CD207: variants seen among roughly 807,000 people sequenced by gnomAD.
The protein encoded by CD207 is C-type lectin domain family 4 member K.
In CD207, 28 loss-of-function variants were observed where a neutral mutation model predicts 31.6. The ratio of observed to expected loss-of-function variants is 0.89; its 90% CI spans 0.66 to 1.21. The LOEUF (loss-of-function observed/expected upper bound fraction) is 1.21. Among genes scored for constraint, CD207 ranks in the 50% most tolerant of loss-of-function variants. The probability of loss-of-function intolerance (pLI) is 0.00; values close to 1 mark genes in which losing one functional copy is unlikely to be tolerated. For missense variants in CD207, 388 were observed against 397.8 expected (o/e 0.98, Z 0.21); for synonymous variants, 168 against 153.9 (o/e 1.09, Z -0.68).
Position 70,832,984 on chromosome 2 carries a change from G to A in CD207, c.633C>T (p.Leu211=). The A allele has an allele frequency of 6.2e-7, 1 of 1,613,942 alleles. No homozygotes were observed. Among genetic ancestry groups the A allele is most frequent in the Admixed American group, 1.7e-5 (1 of 60,024 alleles). ...YFKGNFYYFS[L]IPKTWYSAEQ... ...CGGCACTATACCAGGTCTTTGGAAT[G>A]AGAGAAAAGTAATAGAAGTTCCCCT... Residue 211 remains leucine, a synonymous_variant, in exon 4 of 6, where the codon CTC becomes CTT. Transcript: ENST00000410009.
chr2:70,832,836 G>A (rs1382623262), intron 4 of CD207, 64 bp downstream of exon 4: 7 of 1,462,704 alleles, frequency 4.8e-6, no homozygotes, highest in Non-Finnish European at 6.5e-6. Context: ...GTATAATCTT[G>A]CCCATCCTCC....
intron 2 of CD207, 116 bp downstream of exon 2, chr2:70,835,375 A>T: frequency 1.4e-6 from 1 of 739,174 alleles, no homozygotes; most frequent in South Asian, 1.5e-5. Flanking sequence ...GAAGGAGACA[A>T]ATGAAAAAGC....
rs1574395785 is a variant in CD207 at position 70,833,629 on chromosome 2, T to A, written c.565+17A>T. On this transcript the variant is annotated intron_variant, in intron 3 of 5. Coordinates refer to ENST00000410009, the MANE Select transcript of CD207 (RefSeq NM_015717.5). ...GGGCCACTGGTCAGCTTCAATGTAA[T>A]TTTCTGAGTCACTTACTTTGTCGTT... The A allele has an allele frequency of 6.3e-7, 1 of 1,592,144 alleles. No homozygotes were observed. Among genetic ancestry groups the A allele is most frequent in the Non-Finnish European group, 8.6e-7 (1 of 1,167,938 alleles).
chr2:70,825,743 G>T (rs1186227728), downstream of CD207, among the ~76,000 whole-genome samples: 1 of 151,940 alleles, frequency 6.6e-6, no homozygotes, highest in Non-Finnish European at 1.5e-5. Flanking sequence ...GTCTCCCTAT[G>T]TTGCCCAGGC....
chr2:70,833,281 A>C (rs1677522933), intron 3 of CD207, among the ~76,000 whole-genome samples: 1 of 152,156 alleles, frequency 6.6e-6, no homozygotes, highest in African/African-American at 2.4e-5. Context: ...GGTTGGACAA[A>C]GAGTGTCTTC....
chr2:70,830,350 G>C lies in CD207; in HGVS notation c.*700C>G, dbSNP rs1553399452. On this transcript the variant is annotated 3_prime_UTR_variant, in exon 6 of 6. Coordinates refer to ENST00000410009, the MANE Select transcript of CD207 (RefSeq NM_015717.5). ...GAGGAGGAGGTGCCGGAGAGGTGAGGACAGGGGCTGGATGGACGCTGGGTG... is the reference window on the plus strand; with the variant it reads ...GAGGAGGAGGTGCCGGAGAGGTGAGCACAGGGGCTGGATGGACGCTGGGTG... 6.5e-6 allele frequency: 1 copy of C among 152,952 alleles called. No homozygotes were observed. The highest frequency in any genetic ancestry group is 2.4e-5 in the African/African-American group (1 of 41,468). The allele number at this position is 152,952 out of a possible 1,614,324, so 9.5% of individuals were successfully genotyped here. A position where few individuals can be genotyped will look rare whatever the true frequency, so the allele number is the denominator to read the frequency against.
At chr2:70,828,855 G>A (rs189085514), downstream of CD207, among the ~76,000 whole-genome samples, 401 of 152,118 alleles carry the variant, frequency 2.6e-3, 1 homozygote, top group African/African-American at 9.1e-3. Context: ...TAGTAGAGAT[G>A]GGGTTTCACC....
At chr2:70,833,097 T>C (rs1553400178) in intron 3 of CD207, 46 bp from the exon 4 acceptor site, 2 of 1,603,646 alleles carry the variant, frequency 1.2e-6, no homozygotes, top group Non-Finnish European at 1.7e-6. Context: ...CTTGATTTCT[T>C]GGGATGCTGG....
chr2:70,829,719 A>C (rs1159333293), downstream of CD207, among the ~76,000 whole-genome samples: 1 of 152,178 alleles, frequency 6.6e-6, no homozygotes, highest in South Asian at 2.1e-4. Flanking sequence ...GCTGTGACCC[A>C]TTTGCACCCA....
chr2:70,834,860 G>A (rs1677569580), intron 2 of CD207, among the ~76,000 whole-genome samples: 1 of 152,174 alleles, frequency 6.6e-6, no homozygotes, highest in African/African-American at 2.4e-5. Context: ...GAGGAAGAAG[G>A]CTCTGCCAGC....
chr2:70,827,796 AATAG>A (rs57116480), downstream of CD207, among the ~76,000 whole-genome samples: 92,207 of 151,112 alleles, frequency 0.61, 28,486 homozygotes, highest in Middle Eastern at 0.69. Context: ...GAAGTGATTC[AATAG>A]ATAGATAGAT....
chr2:70,833,840 A>G lies in CD207; in HGVS notation c.371T>C (p.Leu124Pro). 1 of 1,614,002 alleles carries G rather than the reference A, an allele frequency of 6.2e-7. No homozygotes were observed. ...CTTCTCCACACTGGTTTTTAACTTC[A>G]GGAACTGAGAACGCACATAACCCAG... is the stretch of plus-strand genomic sequence containing the variant. Reference protein sequence around the residue: ...ESLGYVRSQFLKLKTSVEKAN... With the variant: ...ESLGYVRSQFPKLKTSVEKAN... The change falls in exon 3 of 6, where the codon CTG becomes CCG. Residue 124 changes from leucine to proline, a missense_variant. Transcript: ENST00000410009.
Position 70,833,631 on chromosome 2 carries a change from TTCTGAGTCACTTACTTTG to T in CD207, c.562_565+14del. The T allele has an allele frequency of 6.3e-7, 1 of 1,594,478 alleles. No individual in the cohort carries two copies. Among genetic ancestry groups the T allele is most frequent in the Non-Finnish European group, 8.6e-7 (1 of 1,169,152 alleles). On this transcript the variant is annotated splice_donor_variant and splice_donor_5th_base_variant and coding_sequence_variant and intron_variant, in exon 3 of 6. Transcript: ENST00000410009. LOFTEE classifies it high-confidence loss of function. ...GCCACTGGTCAGCTTCAATGTAATT[TTCTGAGTCACTTACTTTG>T]TCGTTTGAGCAACTTGCTCATATTC...
At chr2:70,830,107 C>T (rs1677431312), downstream of CD207, 1 of 152,142 alleles carries the variant, frequency 6.6e-6, no homozygotes, top group Non-Finnish European at 1.5e-5. Flanking sequence ...TTTTTGACTC[C>T]CCAGATGTTT....
Position 70,835,808 on chromosome 2 carries a change from G to A in CD207, c.-32C>T, listed in dbSNP as rs1553400968. On this transcript the variant is annotated 5_prime_UTR_variant, in exon 1 of 6. Coordinates refer to ENST00000410009, the MANE Select transcript of CD207 (RefSeq NM_015717.5). The stretch of plus-strand genomic sequence containing the variant: ...TGCTCACCCTTATCCTGGGAGCACA[G>A]GTGCTTCTGGCTGCCTGTCTCTCCA... 3 of 1,559,640 alleles carry A rather than the reference G, an allele frequency of 1.9e-6. No homozygotes were observed. Among genetic ancestry groups the A allele is most frequent in the Non-Finnish European group, 2.6e-6 (3 of 1,139,630 alleles).
intron 4 of CD207, among the ~76,000 whole-genome samples, chr2:70,832,133 C>T (rs1677491035): frequency 6.6e-6 from 1 of 152,180 alleles, no homozygotes; most frequent in Non-Finnish European, 1.5e-5. Context: ...TATGATAATA[C>T]CTGAATTAAA....
rs17718987 is a variant in CD207, at chr2:70,833,805, G to C, written c.406C>G (p.Gln136Glu). 0.28 allele frequency: 455,693 copies of C among 1,613,668 alleles called. 70,186 individuals are homozygous for C. The highest frequency in any genetic ancestry group is 0.32 in the Non-Finnish European group (378,555 of 1,179,670). ...CAACTTCTTGTTAAGATCTGGATCT[G>C]TGCGTTGGCCTTCTCCACACTGGTT... is the stretch of plus-strand genomic sequence containing the variant. ...LKTSVEKANA[Q>E]IQILTRSWEE... The change falls in exon 3 of 6, where the codon CAG becomes GAG. Residue 136 changes from glutamine (Q) to glutamate (E), a missense_variant. Coordinates refer to ENST00000410009, the MANE Select transcript of CD207 (RefSeq NM_015717.5).
the CD207 span, among the ~76,000 whole-genome samples, chr2:70,824,645 A>AAAAAAAAAAAAAAG: frequency 2.0e-5 from 3 of 150,772 alleles, no homozygotes; most frequent in East Asian, 1.9e-4. Flanking sequence ...AAAAAAAAAA[A>AAAAAAAAAAAAAAG]ACTGAGGGAA....
At chr2:70,831,292 T>C in intron 5 of CD207, 92 bp from the exon 6 acceptor site, 1 of 1,318,134 alleles carries the variant, frequency 7.6e-7, no homozygotes, top group South Asian at 1.4e-5. Context: ...CAACCCAAGC[T>C]TTTGTCCTAG....
Sources: allele counts gnomAD v4.1 joint callset (sites outside exome capture counted in the v4.1 genomes callset), GRCh38; gene constraint gnomAD v4.1.1; transcripts MANE v1.5; gene names NCBI Gene and HGNC (gene_info 2026-07-23, HGNC 2026-07-21).